The following MICOS10 variants were observed in gnomAD, a reference collection of about 807,000 sequenced individuals.
The protein encoded by MICOS10 is mitochondrial contact site and cristae organizing system subunit 10, also known as MICOS complex subunit MIC10.
A neutral mutation model predicts 13.4 loss-of-function variants in MICOS10; 5 were observed. The observed-to-expected ratio is 0.37, with a 90% CI of 0.20 to 0.78. The LOEUF (loss-of-function observed/expected upper bound fraction) is 0.78. Among genes scored for constraint, MICOS10 ranks in the 30% least tolerant of loss-of-function variants. The pLI is 0.47. For missense variants in MICOS10, 101 were observed against 94.6 expected, an observed-to-expected ratio of 1.07 and a Z score of -0.28; for synonymous variants, 35 against 33.6, an observed-to-expected ratio of 1.04 and a Z score of -0.15.
chr1:19,599,271 G>T (rs777151370), intron 1 of MICOS10, among the ~76,000 whole-genome samples: 1 of 151,920 alleles, frequency 6.6e-6, no homozygotes, highest in South Asian at 2.1e-4. Context: ...TCCTCAGGCC[G>T]GTCTCAAACT....
At chr1:19,619,413 G>A (rs772275478) in intron 1 of MICOS10, among the ~76,000 whole-genome samples, 40 of 152,118 alleles carry the variant, frequency 2.6e-4, no homozygotes, top group Non-Finnish European at 4.9e-4. Flanking sequence ...CAGTTGCATT[G>A]AGCAACTAGA....
rs2094798220 is a variant in MICOS10 at position 19,597,716 on chromosome 1, C to G, written c.64+607C>G. ...TCACGTTAAGTTTTTCTGCGTAGTC[C>G]TTTAACACGTGCTCAGTGACGGCAC... is the stretch of plus-strand genomic sequence containing the variant. On this transcript the variant is annotated intron_variant, in intron 1 of 3. Coordinates refer to ENST00000322753, the MANE Select transcript of MICOS10 (RefSeq NM_001032363.4). The G allele has an allele frequency of 2.0e-5, 3 of 152,846 alleles. No homozygotes were observed. The South Asian group carries it at 5.9e-4, about 30-fold the overall frequency. 9.5% of individuals were successfully genotyped at this position (152,846 alleles called of 1,614,324 possible). A position where few individuals can be genotyped will look rare whatever the true frequency, so the allele number is the denominator to read the frequency against.
intron 1 of MICOS10, among the ~76,000 whole-genome samples, chr1:19,609,096 T>G (rs963370380): frequency 7.0e-6 from 1 of 142,000 alleles, no homozygotes; most frequent in African/African-American, 2.6e-5. Flanking sequence ...CCTCCTGGAC[T>G]CATGATCCTC....
rs566806067 is a variant in MICOS10 at position 19,615,835 on chromosome 1, TTAA to T, written c.65-6261_65-6259del. On this transcript the variant is annotated intron_variant, in intron 1 of 3. Transcript: ENST00000322753. ...GGAAATCTTCCCCGGTGCCTTTTAC[TTAA>T]TAAATGTTAATAAATGTTGATCAAG... 3.8e-3 allele frequency among the ~76,000 whole-genome samples: 574 copies of T among 152,306 alleles called. 6 individuals are homozygous for T. The highest frequency in any genetic ancestry group is 0.013 in the African/African-American group (521 of 41,560).
chr1:19,610,013 T>A (rs1629899), intron 1 of MICOS10, among the ~76,000 whole-genome samples: 1 of 151,772 alleles, frequency 6.6e-6, no homozygotes, highest in African/African-American at 2.4e-5. Flanking sequence ...GTGGTGGTGC[T>A]CACCTGTAAT....
At chr1:19,622,834 G>A (rs1190083124) in intron 2 of MICOS10, among the ~76,000 whole-genome samples, 1 of 151,844 alleles carries the variant, frequency 6.6e-6, no homozygotes, top group Non-Finnish European at 1.5e-5. Context: ...GCATCTTACT[G>A]GCTAAGATAT....
chr1:19,605,305 G>A (rs1311572967), intron 1 of MICOS10, among the ~76,000 whole-genome samples: 2 of 152,138 alleles, frequency 1.3e-5, no homozygotes, highest in African/African-American at 2.4e-5. Context: ...TATTTAAAGT[G>A]TACAATTTTA....
At chr1:19,603,536 C>T (rs2094823929) in intron 1 of MICOS10, among the ~76,000 whole-genome samples, 1 of 152,288 alleles carries the variant, frequency 6.6e-6, no homozygotes, top group Non-Finnish European at 1.5e-5. Context: ...TCTGGCACTT[C>T]CTGGATTCAT....
intron 1 of MICOS10, among the ~76,000 whole-genome samples, chr1:19,600,403 G>A (rs763095140): frequency 7.9e-5 from 12 of 152,168 alleles, no homozygotes; most frequent in Non-Finnish European, 1.6e-4. Context: ...TGAGCGTGTT[G>A]CTTCCTGTTT....
intron 1 of MICOS10, chr1:19,601,061 A>G (rs2094812538): frequency 8.9e-6 from 11 of 1,232,354 alleles, no homozygotes; most frequent in African/African-American, 1.6e-5. Flanking sequence ...TTGCTGTACG[A>G]TGACTATTAT....
In MICOS10 at chr1:19,624,929, A is replaced by T. The variant is rs577205725; in HGVS notation, c.222+1346A>T. Among the ~76,000 whole-genome samples, 4 of 152,332 alleles carry T rather than the reference A, an allele frequency of 2.6e-5. No individual in the cohort carries two copies. In the East Asian group the frequency reaches 7.7e-4, roughly 29 times the overall value. Reference sequence around the variant, plus strand: ...AGCACAATTTTCAGTGAACAACTTCACATTCCCTGCATGCACAGAAGCCTC... The same window carrying T: ...AGCACAATTTTCAGTGAACAACTTCTCATTCCCTGCATGCACAGAAGCCTC... On this transcript the variant is annotated intron_variant, in intron 3 of 3. Coordinates refer to ENST00000322753, the MANE Select transcript of MICOS10 (RefSeq NM_001032363.4).
Position 19,597,058 on chromosome 1 carries a change from G to C in MICOS10, c.13G>C (p.Glu5Gln), listed in dbSNP as rs765411489. The C allele has an allele frequency of 6.3e-7, 1 of 1,592,818 alleles. No homozygotes were observed. Among genetic ancestry groups the C allele is most frequent in the Non-Finnish European group, 8.5e-7 (1 of 1,172,072 alleles). MSES[E>Q]LGRKWDRCLA... ...GCGGGTGGGGAACATGTCTGAGTCG[G>C]AGCTCGGCAGGAAGTGGGACCGGTG... is the stretch of plus-strand genomic sequence containing the variant. Residue 5 changes from glutamate to glutamine, a missense_variant, in exon 1 of 4, where the codon GAG becomes CAG. Transcript: ENST00000322753.
chr1:19,621,261 C>T lies in MICOS10; in HGVS notation c.65-839C>T, dbSNP rs186831327. On this transcript the variant is annotated intron_variant, in intron 1 of 3. Coordinates refer to ENST00000322753, the MANE Select transcript of MICOS10 (RefSeq NM_001032363.4). ...CAACTTCTTGTGTCTGTGACTTGTG[C>T]GGTAGGATTGGTCTGGGAATGAATC... is the stretch of plus-strand genomic sequence containing the variant. 1.2e-4 allele frequency among the ~76,000 whole-genome samples: 18 copies of T among 152,286 alleles called. No homozygotes were observed. The East Asian group carries it at 1.9e-3, about 16-fold the overall frequency.
chr1:19,604,801 A>G (rs1467388996), intron 1 of MICOS10, among the ~76,000 whole-genome samples: 1 of 152,172 alleles, frequency 6.6e-6, no homozygotes, highest in African/African-American at 2.4e-5. Flanking sequence ...TGCCTTGAGG[A>G]ATGTGAAAAG....
intron 1 of MICOS10, chr1:19,608,106 G>A (rs1323846465): frequency 7.2e-6 from 7 of 975,634 alleles, no homozygotes; most frequent in Non-Finnish European, 1.2e-5. Flanking sequence ...TGGAGACGAC[G>A]TGCAGAAATG....
At position 19,625,587 on chromosome 1, in the gene MICOS10, A is replaced by T. The variant is rs970110720; in HGVS notation, c.223-800A>T. On this transcript the variant is annotated intron_variant, in intron 3 of 3. Coordinates refer to ENST00000322753, the MANE Select transcript of MICOS10 (RefSeq NM_001032363.4). Reference sequence around the variant, plus strand: ...TGGCTCCTCGCTTTCCTGGCATCAGAGCTGATTGTGGGGAGAACCGAAAGG... The same window carrying T: ...TGGCTCCTCGCTTTCCTGGCATCAGTGCTGATTGTGGGGAGAACCGAAAGG... 1 of 1,289,448 alleles carries T rather than the reference A, an allele frequency of 7.8e-7. No homozygotes were observed. The highest frequency in any genetic ancestry group is 1.0e-6 in the Non-Finnish European group (1 of 988,884). 79.9% of individuals were successfully genotyped at this position (1,289,448 alleles called of 1,614,324 possible). A position where few individuals can be genotyped will look rare whatever the true frequency, so the allele number is the denominator to read the frequency against.
chr1:19,610,952 CTT>C (rs563556500), intron 1 of MICOS10, among the ~76,000 whole-genome samples: 1 of 147,064 alleles, frequency 6.8e-6, no homozygotes, highest in Admixed American at 6.8e-5. Flanking sequence ...ATTTATTTCT[CTT>C]TTTTTTTTTG....
In MICOS10 at chr1:19,606,749, C is replaced by CAAA. The variant is rs550672925; in HGVS notation, c.64+9649_64+9651dup. ...CGACAGAACAAGAAGGCTCTGTCTC[C>CAAA]AAAAAAAAAAAGAAAGAAAAAAAGT... is the stretch of plus-strand genomic sequence containing the variant. On this transcript the variant is annotated intron_variant, in intron 1 of 3. Transcript: ENST00000322753. 9.3e-4 allele frequency among the ~76,000 whole-genome samples: 125 copies of CAAA among 134,162 alleles called. 1 individual carries two copies. The highest frequency in any genetic ancestry group is 3.1e-3 in the African/African-American group (119 of 38,142). The allele number at this position is 134,162 out of a possible 152,430, so 88.0% of individuals were successfully genotyped here. A position where few individuals can be genotyped will look rare whatever the true frequency, so the allele number is the denominator to read the frequency against.
intron 1 of MICOS10, among the ~76,000 whole-genome samples, chr1:19,606,882 T>G (rs1250430631): frequency 6.6e-6 from 1 of 152,286 alleles, no homozygotes; most frequent in Non-Finnish European, 1.5e-5. Flanking sequence ...TGAAGCCATT[T>G]TAATGTTTAA....
Sources: gnomAD v4.1 joint callset for allele counts (sites outside exome capture counted in the v4.1 genomes callset) on GRCh38, gnomAD v4.1.1 for gene constraint, MANE v1.5 for transcripts, NCBI Gene and HGNC (gene_info 2026-07-23, HGNC 2026-07-21) for gene names.